SNX1: variants seen among roughly 807,000 people sequenced by gnomAD.
SNX1 encodes the protein sorting nexin 1.
Under a neutral mutation model 71.8 loss-of-function variants are expected in SNX1, and 36 were observed. The observed-to-expected ratio is 0.50, with a 90% CI of 0.38 to 0.66. The LOEUF is 0.66. Among genes scored for constraint, SNX1 ranks in the 30% least tolerant of loss-of-function variants. The pLI, the probability that SNX1 is intolerant of heterozygous loss-of-function variation, is 0.00. For synonymous variants in SNX1, 254 were observed against 240.7 expected, an observed-to-expected ratio of 1.06 and a Z score of -0.51; for missense variants, 612 against 646.7, an observed-to-expected ratio of 0.95 and a Z score of 0.58.
In SNX1 at chr15:64,117,348, C is replaced by T. The variant is rs1174778397; in HGVS notation, c.272-769C>T. 4.6e-5 allele frequency among the ~76,000 whole-genome samples: 7 copies of T among 152,148 alleles called. No homozygotes were observed. In the East Asian group the frequency reaches 1.2e-3, roughly 25 times the overall value. The stretch of plus-strand genomic sequence containing the variant: ...CGGCTCACTGCAACCTCTGCCTCCC[C>T]AGTTCAAACAATTCTCCTGCCTCAA... On this transcript the variant is annotated intron_variant, in intron 2 of 14. Transcript: ENST00000559844.
Position 64,136,366 on chromosome 15 carries a change from G to C in SNX1, c.1402G>C (p.Glu468Gln), listed in dbSNP as rs960643308. Residue 468 changes from glutamate (E) to glutamine (Q), a missense_variant, in exon 13 of 15, where the codon GAG becomes CAG. This residue lies in a region of SNX1 where 296 missense variants were observed against 361.9 expected (regional missense o/e 0.82). Transcript: ENST00000559844. Reference protein sequence around the residue: ...SRVTQYERDFERISTVVRKEV... With the variant: ...SRVTQYERDFQRISTVVRKEV... The stretch of plus-strand genomic sequence containing the variant: ...GGTGACTCAATATGAAAGGGACTTC[G>C]AGAGGATTTCAACAGTGGTCCGAAA... 2 of 1,613,978 alleles carry C rather than the reference G, an allele frequency of 1.2e-6. No individual in the cohort carries two copies. The highest frequency in any genetic ancestry group is 1.7e-6 in the Non-Finnish European group (2 of 1,179,976).
Position 64,134,830 on chromosome 15 carries a change from G to A in SNX1, c.1365+23G>A. 1 of 1,612,856 alleles carries A rather than the reference G, an allele frequency of 6.2e-7. No individual in the cohort carries two copies. The highest frequency in any genetic ancestry group is 1.3e-5 in the African/African-American group (1 of 75,048). ...GAGGTGAGTCCACTGAGGCAGCCCA[G>A]CCAGGGGTGTTCTGCTGGTTCCAAA... On this transcript the variant is annotated intron_variant, in intron 12 of 14. Transcript: ENST00000559844. The surrounding 1 kb of genome is among the most constrained non-coding windows in gnomAD (Gnocchi z 4.1).
intron 3 of SNX1, among the ~76,000 whole-genome samples, chr15:64,118,544 A>G (rs1207994387): frequency 6.6e-6 from 1 of 152,204 alleles, no homozygotes; most frequent in African/African-American, 2.4e-5. Context: ...GTCTTTCTAA[A>G]TCTGGCAGTT....
Position 64,134,359 on chromosome 15 carries a change from G to T in SNX1, c.1222-305G>T. On this transcript the variant is annotated intron_variant, in intron 11 of 14. Coordinates refer to ENST00000559844, the MANE Select transcript of SNX1 (RefSeq NM_003099.5). This position sits in a 1 kb window ranked among gnomAD's most constrained non-coding sequence, Gnocchi z 4.1. ...TAGCCTTATGAACTGACTGATCTGA[G>T]GGAGGCACTTCTGTAAGCCATAGTA... is the stretch of plus-strand genomic sequence containing the variant. 3.2e-6 allele frequency: 1 copy of T among 307,780 alleles called. No individual in the cohort carries two copies. The highest frequency in any genetic ancestry group is 4.8e-5 in the Admixed American group (1 of 20,676). The allele number at this position is 307,780 out of a possible 1,614,324, so 19.1% of individuals were successfully genotyped here.
At chr15:64,124,378 G>T (rs2081228347) in intron 5 of SNX1, among the ~76,000 whole-genome samples, 1 of 151,250 alleles carries the variant, frequency 6.6e-6, no homozygotes, top group African/African-American at 2.4e-5. Context: ...ATGGTGGCAG[G>T]CACCTGTAGC....
intron 1 of SNX1, among the ~76,000 whole-genome samples, chr15:64,100,675 C>T (rs562756576): frequency 6.5e-4 from 97 of 148,558 alleles, no homozygotes; most frequent in African/African-American, 2.4e-3. Context: ...TGCTTTAAAA[C>T]TACAAATAGT....
At position 64,136,941 on chromosome 15, in the gene SNX1, G is replaced by A. The variant is rs947641435; in HGVS notation, c.1518+9G>A. 6.2e-7 allele frequency: 1 copy of A among 1,612,844 alleles called. No homozygotes were observed. Among genetic ancestry groups the A allele is most frequent in the African/African-American group, 1.3e-5 (1 of 75,002 alleles). On this transcript the variant is annotated intron_variant, in intron 14 of 14. Coordinates refer to ENST00000559844, the MANE Select transcript of SNX1 (RefSeq NM_003099.5). Reference sequence around the variant, plus strand: ...TTTACTCACAGCAGCAGGTATGTAAGTTGTGTGTGACCTTCATCCTCTACT... The same window carrying A: ...TTTACTCACAGCAGCAGGTATGTAAATTGTGTGTGACCTTCATCCTCTACT...
At chr15:64,120,727 C>T (rs1595991934) in intron 4 of SNX1, among the ~76,000 whole-genome samples, 1 of 152,026 alleles carries the variant, frequency 6.6e-6, no homozygotes, top group Non-Finnish European at 1.5e-5. Context: ...TGTAGTCCCA[C>T]GTACTTGGGA....
At chr15:64,100,534 G>C (rs1475879871) in intron 1 of SNX1, among the ~76,000 whole-genome samples, 1 of 144,156 alleles carries the variant, frequency 6.9e-6, no homozygotes, top group Non-Finnish European at 1.5e-5. Context: ...GAACCTGGGA[G>C]TTGGAGGTTG....
At chr15:64,136,494 A>C in intron 13 of SNX1, 84 bp downstream of exon 13, 1 of 1,211,686 alleles carries the variant, frequency 8.3e-7, no homozygotes, top group Non-Finnish European at 1.2e-6. Flanking sequence ...CTGTTGGGTA[A>C]AGAGAGAGGT....
intron 12 of SNX1, 24 bp from the exon 13 acceptor site, chr15:64,136,306 C>G (rs1205396166): frequency 6.3e-7 from 1 of 1,588,992 alleles, no homozygotes; most frequent in African/African-American, 1.3e-5. Flanking sequence ...ATGAGGTGAT[C>G]CTTTCTTTCC....
At chr15:64,124,176 A>ATATATATATATATATATATATG (rs1567327094) in intron 5 of SNX1, among the ~76,000 whole-genome samples, 5 of 119,130 alleles carry the variant, frequency 4.2e-5, no homozygotes, top group African/African-American at 1.4e-4. Context: ...ATATATATAT[A>ATATATATATATATATATATATG]TATGACTGTT....
chr15:64,097,093 C>T (rs1165588150), intron 1 of SNX1, among the ~76,000 whole-genome samples: 1 of 151,550 alleles, frequency 6.6e-6, no homozygotes, highest in Non-Finnish European at 1.5e-5. Flanking sequence ...TTTTATGGTT[C>T]CTATGGGTTA....
chr15:64,099,321 G>A (rs1057456512), intron 1 of SNX1, among the ~76,000 whole-genome samples: 5 of 152,152 alleles, frequency 3.3e-5, no homozygotes, highest in African/African-American at 1.2e-4. Context: ...AAAGTGCTTA[G>A]AAGATGTTCC....
chr15:64,109,840 G>A (rs1485836780), intron 1 of SNX1, among the ~76,000 whole-genome samples: 1 of 152,130 alleles, frequency 6.6e-6, no homozygotes, highest in Non-Finnish European at 1.5e-5. Flanking sequence ...CCAGCGCAAA[G>A]ATTTTTTAAA....
chr15:64,134,024 C>T lies in SNX1; in HGVS notation c.1222-640C>T, dbSNP rs2081333042. 6.6e-6 allele frequency among the ~76,000 whole-genome samples: 1 copy of T among 152,160 alleles called. No homozygotes were observed. Among genetic ancestry groups the T allele is most frequent in the Non-Finnish European group, 1.5e-5 (1 of 68,032 alleles). On this transcript the variant is annotated intron_variant, in intron 11 of 14. Transcript: ENST00000559844. This position sits in a 1 kb window ranked among gnomAD's most constrained non-coding sequence, Gnocchi z 4.1. ...GTGGTTGGGAAAAAGCAATGTGGCCCTATGGTGGTTTTAGGTGTTGATTTA... is the reference window on the plus strand; with the variant it reads ...GTGGTTGGGAAAAAGCAATGTGGCCTTATGGTGGTTTTAGGTGTTGATTTA...
intron 4 of SNX1, among the ~76,000 whole-genome samples, chr15:64,120,105 C>A (rs925427378): frequency 2.0e-5 from 3 of 152,158 alleles, no homozygotes; most frequent in African/African-American, 7.2e-5. Flanking sequence ...CTCATCTTTC[C>A]TTGTTCTAGC....
intron 5 of SNX1, 145 bp from the exon 6 acceptor site, chr15:64,125,934 C>G (rs2081247230): frequency 1.2e-6 from 1 of 827,626 alleles, no homozygotes; most frequent in Non-Finnish European, 2.0e-6. Context: ...AAGTTTAAGA[C>G]TCTCTGCCTT....
At chr15:64,130,100 G>A in intron 9 of SNX1, 71 bp downstream of exon 9, 1 of 1,480,968 alleles carries the variant, frequency 6.8e-7, no homozygotes, top group Non-Finnish European at 9.4e-7. Context: ...AAGGAGTCCT[G>A]AAATTTCTGA....
Sources: allele counts gnomAD v4.1 joint callset (sites outside exome capture counted in the v4.1 genomes callset), GRCh38; gene constraint gnomAD v4.1.1; regional missense constraint gnomAD v4.1.1; non-coding constraint Gnocchi (gnomAD v3.1); transcripts MANE v1.5; gene names NCBI Gene and HGNC (gene_info 2026-07-23, HGNC 2026-07-21).